PDE11A: variants seen among roughly 807,000 people sequenced by gnomAD.
PDE11A encodes the protein phosphodiesterase 11A, also known as dual 3',5'-cyclic-AMP and -GMP phosphodiesterase 11A.
PDE11A carries 100 observed loss-of-function variants against 100.5 expected under a neutral mutation model. The ratio of observed to expected loss-of-function variants is 1.00; its 90% CI spans 0.85 to 1.18. The LOEUF (loss-of-function observed/expected upper bound fraction) is 1.18. Among genes scored for constraint, PDE11A ranks in the 50% most tolerant of loss-of-function variants. The pLI, the probability that PDE11A is intolerant of heterozygous loss-of-function variation, is 0.00. For missense variants in PDE11A, 1,141 were observed against 1,152.6 expected (o/e 0.99, Z 0.15); for synonymous variants, 381 against 420.8 (o/e 0.91, Z 1.16).
At chr2:177,790,002 C>G (rs1160376647) in intron 9 of PDE11A, among the ~76,000 whole-genome samples, 1 of 151,680 alleles carries the variant, frequency 6.6e-6, no homozygotes, top group Non-Finnish European at 1.5e-5. Flanking sequence ...CGCCATCAAG[C>G]TACCAATGAC....
chr2:177,763,622 C>T (rs534809973), intron 10 of PDE11A, among the ~76,000 whole-genome samples: 2 of 152,282 alleles, frequency 1.3e-5, no homozygotes, highest in African/African-American at 4.8e-5. Flanking sequence ...AGCTCCCGGC[C>T]TCTGCCACCC....
intron 2 of PDE11A, among the ~76,000 whole-genome samples, chr2:178,000,995 C>T (rs2086138544): frequency 6.6e-6 from 1 of 151,902 alleles, no homozygotes; most frequent in Non-Finnish European, 1.5e-5. Context: ...CAGTTGCAGA[C>T]AATTCCTGGC....
intron 10 of PDE11A, among the ~76,000 whole-genome samples, chr2:177,732,756 T>C (rs1326969450): frequency 6.6e-6 from 1 of 152,202 alleles, no homozygotes; most frequent in Non-Finnish European, 1.5e-5. Flanking sequence ...GACCTTGTCT[T>C]TTTTTCCCCT....
intron 19 of PDE11A, among the ~76,000 whole-genome samples, chr2:177,633,575 T>C (rs1191806561): frequency 6.6e-6 from 1 of 152,242 alleles, no homozygotes; most frequent in Admixed American, 6.5e-5. Flanking sequence ...AAATCAAATT[T>C]ACTAGTTATT....
intron 19 of PDE11A, among the ~76,000 whole-genome samples, chr2:177,662,260 A>G (rs2080495332): frequency 1.3e-5 from 2 of 152,206 alleles, no homozygotes; most frequent in South Asian, 4.1e-4. Context: ...TAACCAACAC[A>G]TAGGAAGAGT....
intron 2 of PDE11A, among the ~76,000 whole-genome samples, chr2:177,986,137 A>C (rs1044726261): frequency 3.9e-5 from 6 of 152,184 alleles, no homozygotes; most frequent in African/African-American, 1.4e-4. Context: ...ATGACCCTGT[A>C]GGATCGGGGG....
chr2:177,837,505 G>T (rs556800213), intron 6 of PDE11A, among the ~76,000 whole-genome samples: 1 of 148,612 alleles, frequency 6.7e-6, no homozygotes, highest in Non-Finnish European at 1.5e-5. Context: ...ATGGAGTCTC[G>T]CTCTGTCGCC....
chr2:177,880,052 A>G (rs929087258), intron 4 of PDE11A, among the ~76,000 whole-genome samples: 8 of 152,224 alleles, frequency 5.3e-5, no homozygotes, highest in Admixed American at 5.2e-4. Context: ...TCCTCCAGTA[A>G]AATGGCTTAT....
chr2:177,923,520 T>C (rs2085083703), intron 2 of PDE11A, among the ~76,000 whole-genome samples: 2 of 152,204 alleles, frequency 1.3e-5, no homozygotes, highest in Admixed American at 1.3e-4. Context: ...TTGACCTAAA[T>C]TGGGTCACGT....
At chr2:177,904,196 C>A (rs753214489) in intron 3 of PDE11A, among the ~76,000 whole-genome samples, 1 of 152,172 alleles carries the variant, frequency 6.6e-6, no homozygotes, top group African/African-American at 2.4e-5. Context: ...GATAATGTAG[C>A]ATTTTTTGAG....
intron 1 of PDE11A, among the ~76,000 whole-genome samples, chr2:178,107,498 A>G (rs2087633424): frequency 6.6e-6 from 1 of 151,322 alleles, no homozygotes; most frequent in Admixed American, 6.6e-5. Context: ...GTATGTGCTT[A>G]GTATGTGACA....
In PDE11A at chr2:178,071,988, A is replaced by G; in HGVS notation, c.450T>C (p.Ser150=). Residue 150 remains serine (S), a synonymous_variant, in exon 1 of 20, where the codon AGT becomes AGC. Coordinates refer to ENST00000286063, the MANE Select transcript of PDE11A (RefSeq NM_016953.4). ...GGAGAAGTGCCCTCCGTCGTACACTACTCAGGGGTTCCTGAGCCCGGGAGG... is the reference window on the plus strand; with the variant it reads ...GGAGAAGTGCCCTCCGTCGTACACTGCTCAGGGGTTCCTGAGCCCGGGAGG... ...QVTSRAQEPL[S]SVRRRALLRK... is the part of the protein sequence containing the mutation. 1 of 1,613,750 alleles carries G rather than the reference A, an allele frequency of 6.2e-7. No homozygotes were observed. Among genetic ancestry groups the G allele is most frequent in the Non-Finnish European group, 8.5e-7 (1 of 1,179,852 alleles).
chr2:177,797,355 C>T (rs1026250947), intron 9 of PDE11A: 1 of 152,236 alleles, frequency 6.6e-6, no homozygotes, highest in Non-Finnish European at 1.5e-5. Context: ...AAACCTCTCT[C>T]AGCAAGTTCC....
At chr2:177,944,822 CT>C (rs2085385846) in intron 2 of PDE11A, among the ~76,000 whole-genome samples, 2 of 128,952 alleles carry the variant, frequency 1.6e-5, no homozygotes, top group African/African-American at 2.7e-5. Flanking sequence ...CTCCCTCTCC[CT>C]CTCCCTCTCC....
chr2:178,043,348 CACAG>C, intron 1 of PDE11A, among the ~76,000 whole-genome samples: 1 of 152,222 alleles, frequency 6.6e-6, no homozygotes, highest in East Asian at 1.9e-4. Flanking sequence ...TGCTAAGGTA[CACAG>C]ATTTGACTAT....
chr2:177,755,628 C>A (rs888228565), intron 10 of PDE11A, among the ~76,000 whole-genome samples: 1 of 152,230 alleles, frequency 6.6e-6, no homozygotes, highest in African/African-American at 2.4e-5. Context: ...CTCCTCATCA[C>A]AGTTGACTGG....
At chr2:177,643,872 C>T (rs1042907442) in intron 19 of PDE11A, among the ~76,000 whole-genome samples, 1 of 152,246 alleles carries the variant, frequency 6.6e-6, no homozygotes, top group Non-Finnish European at 1.5e-5. Context: ...CAAGGTACAG[C>T]TTGGACAGTG....
chr2:177,627,721 C>CT lies in PDE11A; in HGVS notation c.*1685dup, dbSNP rs2079857723. The CT allele has an allele frequency of 6.6e-6, 1 of 152,184 alleles. No homozygotes were observed. The allele number at this position is 152,184 out of a possible 1,614,324, so 9.4% of individuals were successfully genotyped here. On this transcript the variant is annotated 3_prime_UTR_variant, in exon 20 of 20. Transcript: ENST00000286063. ...ATTAGCCAGGCGTGGTGGCAGGCAC[C>CT]TGTAATCCCAGCTTCTCAGGAGGTT...
intron 12 of PDE11A, among the ~76,000 whole-genome samples, chr2:177,725,975 G>A (rs554571115): frequency 6.6e-6 from 1 of 152,144 alleles, no homozygotes; most frequent in Non-Finnish European, 1.5e-5. Flanking sequence ...CCAAATAATG[G>A]GTTAAAAAGT....
Sources: allele counts gnomAD v4.1 joint callset (sites outside exome capture counted in the v4.1 genomes callset), GRCh38; gene constraint gnomAD v4.1.1; transcripts MANE v1.5; gene names NCBI Gene and HGNC (gene_info 2026-07-23, HGNC 2026-07-21).